Variants in ATL3 observed in about 807,000 individuals in gnomAD.
ATL3 encodes atlastin-3.
ATL3 carries 49 observed loss-of-function variants against 69.5 expected under a neutral mutation model. The ratio of observed to expected loss-of-function variants is 0.71; its 90% CI spans 0.56 to 0.89. ATL3 has a LOEUF of 0.89. Among genes scored for constraint, ATL3 ranks in the 40% least tolerant of loss-of-function variants. The pLI, the probability that ATL3 is intolerant of heterozygous loss-of-function variation, is 0.00. For synonymous variants in ATL3, 214 were observed against 224.1 expected, an observed-to-expected ratio of 0.95 and a Z score of 0.40; for missense variants, 606 against 645.7, an observed-to-expected ratio of 0.94 and a Z score of 0.67.
chr11:63,660,090 A>C (rs2134526649), intron 1 of ATL3, among the ~76,000 whole-genome samples: 1 of 151,834 alleles, frequency 6.6e-6, no homozygotes, highest in East Asian at 1.9e-4. Flanking sequence ...GTCTCAAAGA[A>C]AAAAAGTACT....
At position 63,635,605 on chromosome 11, in the gene ATL3, A is replaced by G; in HGVS notation, c.979-15T>C. 1 of 1,566,800 alleles carries G rather than the reference A, an allele frequency of 6.4e-7. No individual in the cohort carries two copies. The highest frequency in any genetic ancestry group is 8.8e-7 in the Non-Finnish European group (1 of 1,138,732). On this transcript the variant is annotated splice_polypyrimidine_tract_variant and intron_variant, in intron 9 of 12. Coordinates refer to ENST00000398868, the MANE Select transcript of ATL3 (RefSeq NM_015459.5). ...TTAATATATGCCTTAAAATATAAACATAAAAACTGCTATAAAATGTTATTC... is the reference window on the plus strand; with the variant it reads ...TTAATATATGCCTTAAAATATAAACGTAAAAACTGCTATAAAATGTTATTC...
chr11:63,664,875 G>T (rs1265663826), intron 1 of ATL3, among the ~76,000 whole-genome samples: 1 of 151,924 alleles, frequency 6.6e-6, no homozygotes, highest in Non-Finnish European at 1.5e-5. Context: ...CAAAGTGCTG[G>T]GATTACAGGC....
chr11:63,641,182 C>T (rs1215107381), intron 8 of ATL3, among the ~76,000 whole-genome samples: 1 of 152,086 alleles, frequency 6.6e-6, no homozygotes, highest in Non-Finnish European at 1.5e-5. Context: ...TTTTATATAG[C>T]TCTATCTTGA....
chr11:63,635,397 T>TAAA, intron 10 of ATL3, 137 bp downstream of exon 10: 1 of 681,462 alleles, frequency 1.5e-6, no homozygotes. Flanking sequence ...CAAAATGTGC[T>TAAA]AAAAAAAAAT....
chr11:63,631,479 G>A lies in ATL3; in HGVS notation c.1108-8C>T. The A allele has an allele frequency of 6.3e-7, 1 of 1,575,248 alleles. No homozygotes were observed. The highest frequency in any genetic ancestry group is 1.2e-5 in the South Asian group (1 of 84,762). On this transcript the variant is annotated splice_region_variant and splice_polypyrimidine_tract_variant and intron_variant, in intron 11 of 12. Transcript: ENST00000398868. ...TTTCTCTCCCCCACAAACCTAAAAA[G>A]AACAAAGAAACAATATGTTAAAAGA...
chr11:63,643,251 A>G lies in ATL3; in HGVS notation c.850+106T>C, dbSNP rs1939757353. 2.4e-6 allele frequency: 3 copies of G among 1,243,864 alleles called. No homozygotes were observed. The South Asian group carries it at 5.0e-5, about 21-fold the overall frequency. 77.1% of individuals were successfully genotyped at this position (1,243,864 alleles called of 1,614,324 possible). Reference sequence around the variant, plus strand: ...CTAGACTTTAAATACTACTCTTTCTAAGAGAGCATACCATTTTTCTTAAGC... The same window carrying G: ...CTAGACTTTAAATACTACTCTTTCTGAGAGAGCATACCATTTTTCTTAAGC... On this transcript the variant is annotated intron_variant, in intron 8 of 12. Transcript: ENST00000398868.
chr11:63,629,600 G>T (rs1293776914), intron 12 of ATL3, among the ~76,000 whole-genome samples, 195 bp from the exon 13 acceptor site: 2 of 152,212 alleles, frequency 1.3e-5, no homozygotes, highest in Non-Finnish European at 1.5e-5. Context: ...TCTGCTCTGT[G>T]GCTAGGGTAG....
chr11:63,654,758 G>A (rs1347990747), intron 3 of ATL3, among the ~76,000 whole-genome samples: 4 of 123,054 alleles, frequency 3.3e-5, no homozygotes, highest in Admixed American at 8.5e-5. Context: ...GTGCAATGGC[G>A]CAACCTCGGC....
At chr11:63,657,630 A>G (rs1315348199) in intron 3 of ATL3, among the ~76,000 whole-genome samples, 2 of 152,260 alleles carry the variant, frequency 1.3e-5, no homozygotes, top group East Asian at 3.8e-4. Context: ...GAAGCCTTAC[A>G]GTAGTACCTG....
chr11:63,636,351 A>G lies in ATL3; in HGVS notation c.851-17T>C, dbSNP rs770625579. On this transcript the variant is annotated splice_polypyrimidine_tract_variant and intron_variant, in intron 8 of 12. Coordinates refer to ENST00000398868, the MANE Select transcript of ATL3 (RefSeq NM_015459.5). ...CAGCAATATCTGTTCACAGGACGAC[A>G]AAGAAGGGAAAAATAAGCCAAACAG... is the stretch of plus-strand genomic sequence containing the variant. The G allele has an allele frequency of 1.2e-6, 2 of 1,613,736 alleles. No homozygotes were observed. Among genetic ancestry groups the G allele is most frequent in the East Asian group, 4.5e-5 (2 of 44,872 alleles).
chr11:63,648,541 G>GGT (rs1939964158), intron 5 of ATL3, among the ~76,000 whole-genome samples: 1 of 152,212 alleles, frequency 6.6e-6, no homozygotes, highest in Admixed American at 6.5e-5. Flanking sequence ...TCTTAGCAGG[G>GGT]CTGGCCGCTC....
In ATL3 at chr11:63,645,214, C is replaced by T. The variant is rs545490773; in HGVS notation, c.619-953G>A. Among the ~76,000 whole-genome samples, 9 of 151,918 alleles carry T rather than the reference C, an allele frequency of 5.9e-5. No individual in the cohort carries two copies. The South Asian group carries it at 1.7e-3, about 28-fold the overall frequency. On this transcript the variant is annotated intron_variant, in intron 6 of 12. Transcript: ENST00000398868. ...CTGAGCTCAGGAGTTTGAGACCAGC[C>T]GGTCAACATGATGAAACCCCATCTC...
chr11:63,629,709 G>A (rs1040203931), intron 12 of ATL3, among the ~76,000 whole-genome samples: 1 of 152,152 alleles, frequency 6.6e-6, no homozygotes, highest in Non-Finnish European at 1.5e-5. Flanking sequence ...TACAAAACTT[G>A]TGACCATGTC....
At chr11:63,651,284 G>A (rs879579840) in intron 5 of ATL3, among the ~76,000 whole-genome samples, 3 of 151,808 alleles carry the variant, frequency 2.0e-5, no homozygotes, top group Admixed American at 1.3e-4. Context: ...GTGAAACCCC[G>A]TCTCTATTAA....
At chr11:63,669,424 A>C (rs992947441) in intron 1 of ATL3, among the ~76,000 whole-genome samples, 3 of 151,638 alleles carry the variant, frequency 2.0e-5, no homozygotes, top group African/African-American at 4.8e-5. Context: ...AATCCCAGCT[A>C]CCTGGGAGGC....
chr11:63,648,529 C>T (rs1590733054), intron 5 of ATL3, among the ~76,000 whole-genome samples: 1 of 152,328 alleles, frequency 6.6e-6, no homozygotes, highest in Admixed American at 6.5e-5. Flanking sequence ...TTGAGAAAAG[C>T]CTCTTAGCAG....
In ATL3 at chr11:63,643,447, G is replaced by C. The variant is rs2134488359; in HGVS notation, c.760C>G (p.His254Asp). ...CAGGTGACATCGGAGAAACATGAGT[G>C]AATGTGATTTCGAACATTCTGAATT... ...EEIQNVRNHI[H>D]SCFSDVTCFL... Residue 254 changes from histidine (H) to aspartate (D), a missense_variant, in exon 8 of 13, where the codon CAC (histidine) becomes GAC (aspartate). Coordinates refer to ENST00000398868, the MANE Select transcript of ATL3 (RefSeq NM_015459.5). The C allele has an allele frequency of 6.2e-7, 1 of 1,612,898 alleles. No homozygotes were observed. The highest frequency in any genetic ancestry group is 2.2e-5 in the East Asian group (1 of 44,834).
intron 11 of ATL3, among the ~76,000 whole-genome samples, chr11:63,631,784 T>A (rs1174477687): frequency 6.6e-6 from 1 of 152,010 alleles, no homozygotes; most frequent in East Asian, 1.9e-4. Flanking sequence ...GAGTTTGAAA[T>A]CAGCCTGGTA....
intron 3 of ATL3, among the ~76,000 whole-genome samples, chr11:63,655,005 T>A (rs2134513863): frequency 6.6e-6 from 1 of 152,308 alleles, no homozygotes; most frequent in South Asian, 2.1e-4. Flanking sequence ...GCTTCTTTTA[T>A]GTCTGCAAAT....
Sources: allele counts gnomAD v4.1 joint callset (sites outside exome capture counted in the v4.1 genomes callset), GRCh38; gene constraint gnomAD v4.1.1; transcripts MANE v1.5; gene names NCBI Gene and HGNC (gene_info 2026-07-23, HGNC 2026-07-21).